Variants in CPPED1 observed in about 807,000 individuals in gnomAD.
CPPED1 encodes serine/threonine-protein phosphatase CPPED1.
CPPED1 carries 28 observed loss-of-function variants against 28.0 expected under a neutral mutation model. That is an observed-to-expected ratio of 1.00 (90% CI 0.74 to 1.37). CPPED1 has a LOEUF of 1.37. Ranked by LOEUF, CPPED1 falls within the 40% of genes most tolerant of loss-of-function variation. The pLI, the probability that CPPED1 is intolerant of heterozygous loss-of-function variation, is 0.00. For synonymous variants in CPPED1, 198 were observed against 180.2 expected, an observed-to-expected ratio of 1.10 and a Z score of -0.79; for missense variants, 504 against 416.5, an observed-to-expected ratio of 1.21 and a Z score of -1.83.
At chr16:12,781,549 C>T (rs2080531956) in intron 1 of CPPED1, 146 bp from the exon 2 acceptor site, 4 of 736,376 alleles carry the variant, frequency 5.4e-6, no homozygotes, top group Admixed American at 2.8e-5. Context: ...ATACCATTTT[C>T]CTGTCATAGT....
At chr16:12,714,563 C>T (rs78757819) in intron 2 of CPPED1, among the ~76,000 whole-genome samples, 5,159 of 152,208 alleles carry the variant, frequency 0.034, 131 homozygotes, top group East Asian at 0.1. Flanking sequence ...TGTTGTTGTG[C>T]TTACTGGCAA....
chr16:12,719,345 A>T (rs2080125536), intron 2 of CPPED1, among the ~76,000 whole-genome samples: 1 of 151,050 alleles, frequency 6.6e-6, no homozygotes, highest in African/African-American at 2.4e-5. Context: ...GAGCCGAGAT[A>T]GCGCCACTGC....
intron 2 of CPPED1, 86 bp from the exon 3 acceptor site, chr16:12,705,135 TA>T: frequency 7.3e-7 from 1 of 1,366,792 alleles, no homozygotes; most frequent in Non-Finnish European, 9.8e-7. Context: ...ACATAAAATT[TA>T]AAAAAAGAGT....
intron 2 of CPPED1, among the ~76,000 whole-genome samples, chr16:12,775,729 A>C (rs1196416129): frequency 6.6e-6 from 1 of 152,186 alleles, no homozygotes; most frequent in African/African-American, 2.4e-5. Flanking sequence ...TGCAAAACGA[A>C]GCGCACAAGG....
At chr16:12,711,860 A>G (rs997724298) in intron 2 of CPPED1, among the ~76,000 whole-genome samples, 2 of 152,190 alleles carry the variant, frequency 1.3e-5, no homozygotes, top group Non-Finnish European at 2.9e-5. Context: ...TCATGTATTT[A>G]AAGTGTCCAG....
intron 1 of CPPED1, among the ~76,000 whole-genome samples, chr16:12,796,696 C>T (rs936843660): frequency 6.6e-6 from 1 of 152,028 alleles, no homozygotes; most frequent in African/African-American, 2.4e-5. Context: ...ACATAGTTAC[C>T]GTATGACTCA....
chr16:12,770,382 C>A (rs76238710), intron 2 of CPPED1, among the ~76,000 whole-genome samples: 1 of 152,166 alleles, frequency 6.6e-6, no homozygotes, highest in Non-Finnish European at 1.5e-5. Flanking sequence ...GCAAGATTAA[C>A]CAATTATGAA....
chr16:12,687,435 G>T (rs949270458), intron 3 of CPPED1, among the ~76,000 whole-genome samples: 1 of 152,122 alleles, frequency 6.6e-6, no homozygotes, highest in Non-Finnish European at 1.5e-5. Context: ...CTTGGGATAG[G>T]GCTTGGCCAG....
rs796796663 is a variant in CPPED1 at position 12,785,426 on chromosome 16, CTTTTTTTTTTT to C, written c.71-4034_71-4024del. ...CACCACACCCAGACAAACGTGAATT[CTTTTTTTTTTT>C]TTTTTTTTGAGACAAAGTTTCCCTC... On this transcript the variant is annotated intron_variant, in intron 1 of 3. Coordinates refer to ENST00000381774, the MANE Select transcript of CPPED1 (RefSeq NM_018340.3). Among the ~76,000 whole-genome samples the C allele has an allele frequency of 2.4e-5, 3 of 124,718 alleles. No individual in the cohort carries two copies. In the Admixed American group the frequency reaches 2.5e-4, roughly 10 times the overall value. The allele number at this position is 124,718 out of a possible 152,430, so 81.8% of individuals were successfully genotyped here.
At chr16:12,667,779 G>A (rs960148669) in intron 3 of CPPED1, among the ~76,000 whole-genome samples, 6 of 152,158 alleles carry the variant, frequency 3.9e-5, no homozygotes, top group Admixed American at 3.3e-4. Flanking sequence ...ATCAGCAGAA[G>A]TTTAGAGGAG....
chr16:12,745,907 G>A (rs1235528213), intron 2 of CPPED1: 1 of 152,084 alleles, frequency 6.6e-6, no homozygotes, highest in Non-Finnish European at 1.5e-5. Context: ...TAATCAAATT[G>A]CTTAAAACCA....
intron 1 of CPPED1, among the ~76,000 whole-genome samples, chr16:12,797,227 G>A (rs1349913216): frequency 6.6e-6 from 1 of 152,040 alleles, no homozygotes; most frequent in Non-Finnish European, 1.5e-5. Flanking sequence ...TGCATGTTAT[G>A]GTACATAAAT....
rs902394289 is a variant in CPPED1, at chr16:12,670,802, G to C, written c.716-5687C>G. Among the ~76,000 whole-genome samples, 1 of 152,158 alleles carries C rather than the reference G, an allele frequency of 6.6e-6. No individual in the cohort carries two copies. The highest frequency in any genetic ancestry group is 1.5e-5 in the Non-Finnish European group (1 of 68,022). Reference sequence around the variant, plus strand: ...CAAGAGGAACCGAAGCACATACGATGACTAAATGTAAATGATCCATGTGTT... The same window carrying C: ...CAAGAGGAACCGAAGCACATACGATCACTAAATGTAAATGATCCATGTGTT... On this transcript the variant is annotated intron_variant, in intron 3 of 3. Coordinates refer to ENST00000381774, the MANE Select transcript of CPPED1 (RefSeq NM_018340.3). The surrounding 1 kb of genome is among the most constrained non-coding windows in gnomAD (Gnocchi z 4.2).
Position 12,687,291 on chromosome 16 carries a change from T to G in CPPED1, c.715+17333A>C, listed in dbSNP as rs548655482. Reference sequence around the variant, plus strand: ...GCCACCACCCAGAGATAATAAATATTAACATCTTGTAAGATCTGTCTTTAC... The same window carrying G: ...GCCACCACCCAGAGATAATAAATATGAACATCTTGTAAGATCTGTCTTTAC... On this transcript the variant is annotated intron_variant, in intron 3 of 3. Transcript: ENST00000381774. Among the ~76,000 whole-genome samples the G allele has an allele frequency of 1.4e-4, 21 of 152,252 alleles. No individual in the cohort carries two copies. The South Asian group carries it at 3.3e-3, about 24-fold the overall frequency.
At chr16:12,691,848 G>A (rs2079965034) in intron 3 of CPPED1, among the ~76,000 whole-genome samples, 1 of 145,720 alleles carries the variant, frequency 6.9e-6, no homozygotes. Context: ...AGCATTAGGA[G>A]ACATGCCTAA....
At chr16:12,703,107 G>C (rs1329160739) in intron 3 of CPPED1, among the ~76,000 whole-genome samples, 1 of 152,046 alleles carries the variant, frequency 6.6e-6, no homozygotes, top group Non-Finnish European at 1.5e-5. Context: ...CTACAGAATA[G>C]TCTCCATGGT....
Position 12,665,107 on chromosome 16 carries a change from C to T in CPPED1, c.724G>A (p.Val242Ile). 1 of 1,598,238 alleles carries T rather than the reference C, an allele frequency of 6.3e-7. No homozygotes were observed. The highest frequency in any genetic ancestry group is 2.2e-5 in the East Asian group (1 of 44,528). The part of the protein sequence containing the change: ...ADKFIHAGVK[V>I]VFSGHYHRNA... ...CTGTGGTAGTGGCCTGAGAACACGA[C>T]TTTGACACCTGCAGAGAAGGGAAAA... The change falls in exon 4 of 4, where the codon GTC becomes ATC. Residue 242 changes from valine (V) to isoleucine (I), a missense_variant. Transcript: ENST00000381774.
intron 2 of CPPED1, among the ~76,000 whole-genome samples, chr16:12,721,371 A>G (rs1047448895): frequency 6.6e-6 from 1 of 152,238 alleles, no homozygotes; most frequent in Non-Finnish European, 1.5e-5. Context: ...AGAACGAGAA[A>G]CAAATGGCAA....
intron 2 of CPPED1, among the ~76,000 whole-genome samples, chr16:12,725,937 A>T (rs1243538334): frequency 6.6e-6 from 1 of 152,190 alleles, no homozygotes; most frequent in East Asian, 1.9e-4. Flanking sequence ...CATGCCTATA[A>T]TCCCAGCACT....
Sources: gnomAD v4.1 joint callset for allele counts (sites outside exome capture counted in the v4.1 genomes callset) on GRCh38, gnomAD v4.1.1 for gene constraint, Gnocchi (gnomAD v3.1) non-coding constraint, MANE v1.5 for transcripts, NCBI Gene and HGNC (gene_info 2026-07-23, HGNC 2026-07-21) for gene names.